MAGI2: variants seen among roughly 807,000 people sequenced by gnomAD.
MAGI2 encodes the protein membrane associated guanylate kinase, WW and PDZ domain containing 2.
In MAGI2, 35 loss-of-function variants were observed where a neutral mutation model predicts 133.3. The observed-to-expected ratio is 0.26, with a 90% CI of 0.20 to 0.35. The LOEUF (loss-of-function observed/expected upper bound fraction) is 0.35. MAGI2 is among the 10% of genes least tolerant of loss of function. The pLI is 1.00. For synonymous variants in MAGI2, 729 were observed against 710.6 expected, an observed-to-expected ratio of 1.03 and a Z score of -0.41; for missense variants, 1,636 against 1,863.4, an observed-to-expected ratio of 0.88 and a Z score of 2.25.
intron 6 of MAGI2, among the ~76,000 whole-genome samples, chr7:78,456,367 A>T (rs886906751): frequency 6.6e-6 from 1 of 152,128 alleles, no homozygotes; most frequent in African/African-American, 2.4e-5. Context: ...CTCTAATTCT[A>T]TGTAAGAATC....
chr7:79,335,186 T>C lies in MAGI2; in HGVS notation c.301+117834A>G, dbSNP rs548275504. ...TGAAGATTTTACACAATTGACAACATAAATCACCTTTTCTTAACAAAAATA... is the reference window on the plus strand; with the variant it reads ...TGAAGATTTTACACAATTGACAACACAAATCACCTTTTCTTAACAAAAATA... On this transcript the variant is annotated intron_variant, in intron 1 of 21. Coordinates refer to ENST00000354212, the MANE Select transcript of MAGI2 (RefSeq NM_012301.4). 3.3e-5 allele frequency among the ~76,000 whole-genome samples: 5 copies of C among 152,238 alleles called. No individual in the cohort carries two copies. In the East Asian group the frequency reaches 7.7e-4, roughly 23 times the overall value.
intron 2 of MAGI2, among the ~76,000 whole-genome samples, chr7:78,982,535 T>A (rs113772940): frequency 1.3e-4 from 19 of 151,918 alleles, no homozygotes; most frequent in African/African-American, 4.6e-4. Context: ...AACTGACAGG[T>A]CACAGTGAAC....
intron 1 of MAGI2, among the ~76,000 whole-genome samples, chr7:79,439,454 T>A (rs1328915290): frequency 6.6e-6 from 1 of 152,044 alleles, no homozygotes; most frequent in Admixed American, 6.6e-5. Flanking sequence ...AGATCCACAC[T>A]CTCTATATTA....
intron 5 of MAGI2, among the ~76,000 whole-genome samples, chr7:78,500,737 T>C (rs1794546571): frequency 1.3e-5 from 2 of 152,300 alleles, no homozygotes; most frequent in Non-Finnish European, 2.9e-5. Context: ...GGGAGCATAA[T>C]GAACTATACA....
chr7:78,896,703 G>A (rs1279286288), intron 2 of MAGI2, among the ~76,000 whole-genome samples: 1 of 151,916 alleles, frequency 6.6e-6, no homozygotes, highest in African/African-American at 2.4e-5. Flanking sequence ...GTGTAACTGG[G>A]ACTACAGATG....
intron 3 of MAGI2, among the ~76,000 whole-genome samples, chr7:78,610,410 G>C (rs76016712): frequency 1.4e-3 from 215 of 152,198 alleles, no homozygotes; most frequent in African/African-American, 5.1e-3. Context: ...ACTCTTAAAG[G>C]GCATCCAGCT....
intron 2 of MAGI2, among the ~76,000 whole-genome samples, chr7:78,651,560 G>C (rs939804752): frequency 2.0e-5 from 3 of 151,888 alleles, no homozygotes; most frequent in African/African-American, 7.3e-5. Context: ...AACCCTCCCA[G>C]AAAATAACTT....
At chr7:78,919,279 G>A (rs568090116) in intron 2 of MAGI2, among the ~76,000 whole-genome samples, 6 of 152,192 alleles carry the variant, frequency 3.9e-5, no homozygotes, top group African/African-American at 1.4e-4. Context: ...CTTTAAGCAT[G>A]TAGAAGAGTA....
intron 1 of MAGI2, among the ~76,000 whole-genome samples, chr7:79,287,900 C>A: frequency 6.6e-6 from 1 of 151,864 alleles, no homozygotes. Context: ...CAATTTTAAT[C>A]TTTTTTCTGA....
chr7:79,076,177 A>T (rs745607559), intron 1 of MAGI2, among the ~76,000 whole-genome samples: 4 of 152,192 alleles, frequency 2.6e-5, no homozygotes, highest in African/African-American at 4.8e-5. Flanking sequence ...ACTGACATAA[A>T]AGCCATCTCA....
At chr7:78,242,997 A>G (rs1246030519) in intron 10 of MAGI2, among the ~76,000 whole-genome samples, 1 of 152,096 alleles carries the variant, frequency 6.6e-6, no homozygotes, top group Non-Finnish European at 1.5e-5. Flanking sequence ...GCTTGAGCCC[A>G]GGAGGTCAAG....
intron 2 of MAGI2, chr7:78,904,026 T>C (rs1161626831): frequency 6.6e-6 from 1 of 152,110 alleles, no homozygotes; most frequent in Non-Finnish European, 1.5e-5. Context: ...CTTACTTCAT[T>C]TGGGGCTTGT....
chr7:78,095,369 G>A (rs1385434228), intron 20 of MAGI2, among the ~76,000 whole-genome samples: 1 of 152,032 alleles, frequency 6.6e-6, no homozygotes, highest in African/African-American at 2.4e-5. Context: ...CTTCAGTAGG[G>A]GTCACTTTAG....
intron 2 of MAGI2, among the ~76,000 whole-genome samples, chr7:78,881,292 C>G (rs1290689205): frequency 6.6e-6 from 1 of 151,772 alleles, no homozygotes; most frequent in Non-Finnish European, 1.5e-5. Flanking sequence ...GCACATGGAA[C>G]ATACTCTAAG....
At chr7:78,773,753 C>T (rs761057334) in intron 2 of MAGI2, among the ~76,000 whole-genome samples, 10 of 152,046 alleles carry the variant, frequency 6.6e-5, no homozygotes, top group African/African-American at 1.4e-4. Flanking sequence ...CAGGCAGAGA[C>T]ACAAAGAACA....
intron 6 of MAGI2, among the ~76,000 whole-genome samples, chr7:78,390,796 G>T (rs1439883887): frequency 2.0e-5 from 3 of 152,202 alleles, no homozygotes; most frequent in Middle Eastern, 3.4e-3. Context: ...CACCATAGGA[G>T]TACTAAAATT....
chr7:79,035,219 G>T (rs986132424), intron 1 of MAGI2, among the ~76,000 whole-genome samples: 3 of 148,376 alleles, frequency 2.0e-5, no homozygotes, highest in Admixed American at 6.7e-5. Context: ...GGCGGCGGGG[G>T]CAGGGGGGGT....
chr7:79,070,078 T>C (rs1584851835), intron 1 of MAGI2, among the ~76,000 whole-genome samples: 1 of 152,284 alleles, frequency 6.6e-6, no homozygotes, highest in South Asian at 2.1e-4. Context: ...AATGATTATG[T>C]GTCTTGGGGT....
At chr7:78,802,174 T>C (rs1234850472) in intron 2 of MAGI2, among the ~76,000 whole-genome samples, 1 of 152,150 alleles carries the variant, frequency 6.6e-6, no homozygotes, top group Non-Finnish European at 1.5e-5. Context: ...TTCAAATAGA[T>C]TTTCCTTGAT....
Sources: allele counts gnomAD v4.1 joint callset (sites outside exome capture counted in the v4.1 genomes callset), GRCh38; gene constraint gnomAD v4.1.1; transcripts MANE v1.5; gene names NCBI Gene and HGNC (gene_info 2026-07-23, HGNC 2026-07-21).